Variants in NAV3 observed in about 807,000 individuals in gnomAD.
NAV3 encodes pore membrane and/or filament interacting like protein 1.
A neutral mutation model predicts 244.7 loss-of-function variants in NAV3; 87 were observed. The observed-to-expected ratio is 0.36, with a 90% confidence interval of 0.30 to 0.42. The LOEUF (loss-of-function observed/expected upper bound fraction) is 0.42, where lower values mean the gene tolerates loss of function less well. NAV3 is among the 20% of genes least tolerant of loss of function. The pLI is 1.00. For missense variants in NAV3, 2,663 were observed against 2,893.3 expected (o/e 0.92, Z 1.83); for synonymous variants, 1,126 against 1,042.2 (o/e 1.08, Z -1.55).
intron 2 of NAV3, among the ~76,000 whole-genome samples, chr12:77,648,083 GT>G (rs1872676693): frequency 6.6e-6 from 1 of 152,010 alleles, no homozygotes; most frequent in Non-Finnish European, 1.5e-5. Context: ...ATTTTGGTCT[GT>G]TTGAAAAATC....
intron 12 of NAV3, among the ~76,000 whole-genome samples, chr12:78,079,511 C>T (rs78148440): frequency 0.01 from 1,587 of 152,216 alleles, 26 homozygotes; most frequent in African/African-American, 0.036. Flanking sequence ...CAATCCCAAA[C>T]CTACTTTAAA....
chr12:77,937,276 T>C (rs1889414488), intron 1 of NAV3, among the ~76,000 whole-genome samples: 1 of 152,202 alleles, frequency 6.6e-6, no homozygotes, highest in African/African-American at 2.4e-5. Context: ...AAGCTTGGGA[T>C]TCCTCTGGAA....
At chr12:77,892,609 G>T (rs777430479) in intron 1 of NAV3, among the ~76,000 whole-genome samples, 2 of 152,058 alleles carry the variant, frequency 1.3e-5, no homozygotes, top group South Asian at 2.1e-4. Context: ...TCAAGATGGG[G>T]TTTCACGGTG....
chr12:77,587,068 C>T (rs1256350837), intron 2 of NAV3, among the ~76,000 whole-genome samples: 1 of 151,968 alleles, frequency 6.6e-6, no homozygotes, highest in African/African-American at 2.4e-5. Flanking sequence ...CCAGAAGCTC[C>T]CAAACTTAAG....
chr12:78,027,569 C>A (rs1190660493), intron 9 of NAV3, among the ~76,000 whole-genome samples: 1 of 152,176 alleles, frequency 6.6e-6, no homozygotes, highest in African/African-American at 2.4e-5. Context: ...TGACATAATG[C>A]CACTAGTGGA....
chr12:77,877,519 T>A (rs1445638196), intron 1 of NAV3, among the ~76,000 whole-genome samples: 1 of 152,174 alleles, frequency 6.6e-6, no homozygotes, highest in African/African-American at 2.4e-5. Context: ...GGTTTATAGA[T>A]ATTTTTCTCA....
At chr12:77,653,954 A>G (rs147852635) in intron 2 of NAV3, among the ~76,000 whole-genome samples, 36 of 80,270 alleles carry the variant, frequency 4.5e-4, no homozygotes, top group African/African-American at 1.6e-3. Flanking sequence ...AGTAAAGAAT[A>G]TGAGATAGTT....
intron 3 of NAV3, among the ~76,000 whole-genome samples, chr12:77,953,873 T>C (rs146017234): frequency 8.6e-4 from 131 of 152,328 alleles, no homozygotes; most frequent in African/African-American, 3.1e-3. Flanking sequence ...ATTAGTTTCC[T>C]GTGGCTTCTG....
At chr12:77,834,052 T>A (rs973913902) in intron 1 of NAV3, among the ~76,000 whole-genome samples, 2 of 152,162 alleles carry the variant, frequency 1.3e-5, no homozygotes, top group Non-Finnish European at 2.9e-5. Flanking sequence ...TCCAGCCATT[T>A]TTGTCTCTGC....
intron 2 of NAV3, among the ~76,000 whole-genome samples, chr12:77,722,794 T>A (rs1475289830): frequency 6.6e-6 from 1 of 152,182 alleles, no homozygotes; most frequent in East Asian, 1.9e-4. Flanking sequence ...AAATTTTGTC[T>A]TGTTACTTGG....
intron 2 of NAV3, among the ~76,000 whole-genome samples, chr12:77,778,542 A>G (rs1236797828): frequency 4.6e-5 from 7 of 151,090 alleles, no homozygotes; most frequent in African/African-American, 9.7e-5. Context: ...AACTCAGGAG[A>G]CAGAGCTTGC....
chr12:78,095,109 A>G (rs1171675277), intron 12 of NAV3, among the ~76,000 whole-genome samples: 1 of 151,010 alleles, frequency 6.6e-6, no homozygotes, highest in Non-Finnish European at 1.5e-5. Context: ...ACACATATAT[A>G]TATACACATA....
intron 2 of NAV3, among the ~76,000 whole-genome samples, chr12:77,573,043 A>G (rs1385090486): frequency 2.6e-5 from 4 of 152,214 alleles, no homozygotes; most frequent in African/African-American, 9.6e-5. Flanking sequence ...CATCTTTTGC[A>G]GTGCTCTTAT....
chr12:77,721,608 G>T (rs906954370), intron 2 of NAV3, among the ~76,000 whole-genome samples: 1 of 152,098 alleles, frequency 6.6e-6, no homozygotes, highest in African/African-American at 2.4e-5. Context: ...GAAAAGAATA[G>T]CCTCAGTTAT....
chr12:77,807,063 A>C (rs1289904309), intron 2 of NAV3, among the ~76,000 whole-genome samples: 1 of 152,092 alleles, frequency 6.6e-6, no homozygotes, highest in Non-Finnish European at 1.5e-5. Context: ...TTTTGAGCCT[A>C]TGTGTGTCTT....
rs189039614 is a variant in NAV3, at chr12:77,874,837, C to A, written c.243+43133C>A. ...ATCAATGAATTAAGCATCAGAGACA[C>A]CTGGATCAATAAAATATTATTTTAT... On this transcript the variant is annotated intron_variant, in intron 1 of 39. Transcript: ENST00000397909. 1.9e-4 allele frequency among the ~76,000 whole-genome samples: 29 copies of A among 151,482 alleles called. No individual in the cohort carries two copies. In the East Asian group the frequency reaches 5.7e-3, roughly 30 times the overall value.
chr12:77,860,418 T>C (rs536744631), intron 1 of NAV3, among the ~76,000 whole-genome samples: 42 of 151,144 alleles, frequency 2.8e-4, no homozygotes, highest in Non-Finnish European at 4.6e-4. Flanking sequence ...AACACATATA[T>C]ATTCACTTTC....
intron 1 of NAV3, among the ~76,000 whole-genome samples, chr12:77,934,736 C>A (rs1889161979): frequency 6.6e-6 from 1 of 152,152 alleles, no homozygotes; most frequent in South Asian, 2.1e-4. Flanking sequence ...CTTAGAAGAA[C>A]CCATTTAACT....
intron 34 of NAV3, 109 bp downstream of exon 34, chr12:78,190,328 C>A: frequency 1.1e-6 from 1 of 893,998 alleles, no homozygotes; most frequent in Non-Finnish European, 1.7e-6. Flanking sequence ...AAAAGAATAT[C>A]CATCTTTTTT....
Sources: gnomAD v4.1 joint callset for allele counts (sites outside exome capture counted in the v4.1 genomes callset) on GRCh38, gnomAD v4.1.1 for gene constraint, MANE v1.5 for transcripts, NCBI Gene and HGNC (gene_info 2026-07-23, HGNC 2026-07-21) for gene names.